ANKRD26: variants seen among roughly 807,000 people sequenced by gnomAD.
ANKRD26 encodes the protein ankyrin repeat domain-containing protein 26.
In ANKRD26, 141 loss-of-function variants were observed where a neutral mutation model predicts 208.7. That is an observed-to-expected ratio of 0.68 (90% CI 0.59 to 0.78). The LOEUF is 0.78. Ranked by LOEUF, ANKRD26 falls within the 30% of genes least tolerant of loss-of-function variation. The pLI, the probability that ANKRD26 is intolerant of heterozygous loss-of-function variation, is 0.00. For missense variants in ANKRD26, 1,889 were observed against 1,938.7 expected (o/e 0.97, Z 0.48); for synonymous variants, 636 against 660.4 (o/e 0.96, Z 0.57).
intron 4 of ANKRD26, among the ~76,000 whole-genome samples, chr10:27,086,921 G>A (rs958440807): frequency 8.6e-5 from 13 of 151,834 alleles, no homozygotes; most frequent in African/African-American, 2.4e-4. Flanking sequence ...ACAGGTACCC[G>A]TCACTACGCT....
intron 3 of ANKRD26, among the ~76,000 whole-genome samples, chr10:26,983,071 T>A (rs988866204): frequency 6.6e-6 from 1 of 152,222 alleles, no homozygotes; most frequent in Admixed American, 6.5e-5. Context: ...GCAGTGAGCA[T>A]ATCTAACGCC....
the ANKRD26 span, among the ~76,000 whole-genome samples, chr10:26,964,405 A>G: frequency 6.6e-6 from 1 of 152,176 alleles, no homozygotes; most frequent in Admixed American, 6.5e-5. Flanking sequence ...ACCCTTTTAG[A>G]GAAAAGTTTA....
Position 27,047,701 on chromosome 10 carries a change from A to ACTACTACTAC in ANKRD26, c.1814+1099_1814+1100insGTAGTAGTAG, listed in dbSNP as rs1554782089. Among the ~76,000 whole-genome samples, 645 of 138,840 alleles carry ACTACTACTAC rather than the reference A, an allele frequency of 4.6e-3. 23 individuals carry two copies. The East Asian group carries it at 0.088, about 19-fold the overall frequency. 91.1% of individuals were successfully genotyped at this position (138,840 alleles called of 152,430 possible). On this transcript the variant is annotated intron_variant, in intron 17 of 33. Transcript: ENST00000376087. ...ATTTACCACCAGAAAAACTGTAATA[A>ACTACTACTAC]TACTACTACTACTACTACTACTAAT...
At chr10:26,970,195 T>C (rs954608253), downstream of ANKRD26, among the ~76,000 whole-genome samples, 4 of 152,098 alleles carry the variant, frequency 2.6e-5, no homozygotes, top group Non-Finnish European at 5.9e-5. Flanking sequence ...GTGATTTCTT[T>C]GGGGCCCTGA....
At chr10:27,032,907 T>TAA (rs1463015205) in intron 25 of ANKRD26, among the ~76,000 whole-genome samples, 8 of 147,898 alleles carry the variant, frequency 5.4e-5, no homozygotes, top group Non-Finnish European at 7.5e-5. Context: ...TCGTCTCTAC[T>TAA]AAAAAAAACC....
the ANKRD26 span, among the ~76,000 whole-genome samples, chr10:26,967,018 AC>A: frequency 6.6e-6 from 1 of 152,226 alleles, no homozygotes; most frequent in Non-Finnish European, 1.5e-5. Context: ...ATTGGCCACG[AC>A]CACTAATCAT....
chr10:26,963,898 G>GTTT, the ANKRD26 span, among the ~76,000 whole-genome samples: 1 of 115,364 alleles, frequency 8.7e-6, no homozygotes, highest in Non-Finnish European at 1.7e-5. Flanking sequence ...TTGGATGGTT[G>GTTT]GTTGGTTTTT....
intron 30 of ANKRD26, among the ~76,000 whole-genome samples, chr10:27,015,771 T>C (rs145914323): frequency 3.3e-5 from 5 of 152,272 alleles, no homozygotes; most frequent in African/African-American, 1.2e-4. Flanking sequence ...TTCCACCAGT[T>C]TGCACCCTCC....
At chr10:27,076,542 G>C (rs937468153) in intron 9 of ANKRD26, among the ~76,000 whole-genome samples, 1 of 152,054 alleles carries the variant, frequency 6.6e-6, no homozygotes, top group South Asian at 2.1e-4. Context: ...TGGGATTACA[G>C]GTGTGAGCCA....
At chr10:27,088,923 G>C (rs1402831952) in intron 4 of ANKRD26, among the ~76,000 whole-genome samples, 1 of 152,218 alleles carries the variant, frequency 6.6e-6, no homozygotes, top group Non-Finnish European at 1.5e-5. Flanking sequence ...TTTGAGTGTA[G>C]GTGGAAGGGT....
Position 27,004,536 on chromosome 10 carries a change from T to G in ANKRD26, c.*1054A>C, listed in dbSNP as rs1465876497. 4 of 152,168 alleles carry G rather than the reference T, an allele frequency of 2.6e-5. No homozygotes were observed. Among genetic ancestry groups the G allele is most frequent in the Admixed American group, 1.3e-4 (2 of 15,284 alleles). The allele number at this position is 152,168 out of a possible 1,614,324, so 9.4% of individuals were successfully genotyped here. ...GAAATTCAGCAGATACCACTGTTAGTGATCAATGCTAACATTACCAGTAAC... is the reference window on the plus strand; with the variant it reads ...GAAATTCAGCAGATACCACTGTTAGGGATCAATGCTAACATTACCAGTAAC... On this transcript the variant is annotated 3_prime_UTR_variant, in exon 34 of 34. Transcript: ENST00000376087.
intron 7 of ANKRD26, among the ~76,000 whole-genome samples, chr10:27,078,221 TA>T (rs1386624797): frequency 2.0e-5 from 3 of 152,114 alleles, no homozygotes; most frequent in Non-Finnish European, 2.9e-5. Context: ...AATGATTGTA[TA>T]AATTCAGCTC....
At chr10:27,001,387 G>A (rs1387290354), downstream of ANKRD26, among the ~76,000 whole-genome samples, 4 of 152,160 alleles carry the variant, frequency 2.6e-5, no homozygotes, top group East Asian at 3.9e-4. Context: ...AAGAGCAGAG[G>A]TTTAATAGGT....
chr10:26,957,001 A>G, the ANKRD26 span, among the ~76,000 whole-genome samples: 3 of 152,246 alleles, frequency 2.0e-5, no homozygotes, highest in Non-Finnish European at 2.9e-5. Context: ...TGACATTGAG[A>G]ATACTGGAGC....
At chr10:27,017,829 A>T in intron 29 of ANKRD26, 37 bp from the exon 30 acceptor site, 1 of 1,582,884 alleles carries the variant, frequency 6.3e-7, no homozygotes, top group Non-Finnish European at 8.6e-7. Context: ...ATAATGAAGG[A>T]AGTAGCCTGA....
rs371957429 is a variant in ANKRD26 at position 27,071,158 on chromosome 10, CA to C, written c.1078-3873del. On this transcript the variant is annotated intron_variant, in intron 9 of 33. Transcript: ENST00000376087. ...TGCAGAAATAAACAATTGCTACATT[CA>C]TTTTTTTTTTTTTTTTTTTTTTTTG... 1.8e-3 allele frequency among the ~76,000 whole-genome samples: 226 copies of C among 128,612 alleles called. 1 individual carries two copies. The highest frequency in any genetic ancestry group is 3.3e-3 in the African/African-American group (108 of 32,364). The allele number at this position is 128,612 out of a possible 152,430, so 84.4% of individuals were successfully genotyped here.
At chr10:27,093,006 C>A (rs572824912) in intron 3 of ANKRD26, among the ~76,000 whole-genome samples, 12 of 152,142 alleles carry the variant, frequency 7.9e-5, no homozygotes, top group African/African-American at 2.9e-4. Context: ...TTGCTTGAAC[C>A]CGGGAGGCAG....
intron 27 of ANKRD26, among the ~76,000 whole-genome samples, chr10:27,027,693 A>C (rs1564367079): frequency 6.6e-6 from 1 of 152,212 alleles, no homozygotes; most frequent in South Asian, 2.1e-4. Context: ...GAATACAATA[A>C]ATATTTTTAT....
At chr10:26,966,244 A>G in the ANKRD26 span, among the ~76,000 whole-genome samples, 4 of 152,210 alleles carry the variant, frequency 2.6e-5, no homozygotes, top group African/African-American at 9.6e-5. Flanking sequence ...AATGCCCTCA[A>G]TGCTACAAAG....
Sources: allele counts gnomAD v4.1 joint callset (sites outside exome capture counted in the v4.1 genomes callset), GRCh38; gene constraint gnomAD v4.1.1; transcripts MANE v1.5; gene names NCBI Gene and HGNC (gene_info 2026-07-23, HGNC 2026-07-21).